Variants in RTN4 observed in about 807,000 individuals in gnomAD.
RTN4 encodes reticulon-4.
In RTN4, 32 loss-of-function variants were observed where a neutral mutation model predicts 90.4. That is an observed-to-expected ratio of 0.35 (90% CI 0.27 to 0.48). RTN4 has a LOEUF of 0.48. Ranked by LOEUF, RTN4 falls within the 20% of genes least tolerant of loss-of-function variation. RTN4 has a pLI of 0.99. For synonymous variants in RTN4, 629 were observed against 552.5 expected, an observed-to-expected ratio of 1.14 and a Z score of -1.94; for missense variants, 1,706 against 1,430.2, an observed-to-expected ratio of 1.19 and a Z score of -3.11.
intron 2 of RTN4, among the ~76,000 whole-genome samples, chr2:55,065,852 G>A (rs1036987370): frequency 6.6e-6 from 1 of 152,200 alleles, no homozygotes; most frequent in Non-Finnish European, 1.5e-5. Flanking sequence ...GCTTGATAGG[G>A]CCTTGTGGGA....
At chr2:55,109,744 T>C (rs1292155621) in intron 1 of RTN4, among the ~76,000 whole-genome samples, 1 of 152,196 alleles carries the variant, frequency 6.6e-6, no homozygotes, top group Non-Finnish European at 1.5e-5. Flanking sequence ...ACTCAGAGCA[T>C]ATGTTGACCC....
intron 1 of RTN4, among the ~76,000 whole-genome samples, chr2:55,096,642 G>C (rs572798509): frequency 6.6e-6 from 1 of 152,284 alleles, no homozygotes; most frequent in Admixed American, 6.5e-5. Context: ...GTCTTAGTTG[G>C]AAGTTAAGGT....
rs182249122 is a variant in RTN4, at chr2:54,973,097, G to A, written c.*59C>T. On this transcript the variant is annotated 3_prime_UTR_variant, in exon 9 of 9. Coordinates refer to ENST00000337526, the MANE Select transcript of RTN4 (RefSeq NM_020532.5). ...GTTCGTTCTTCCCTGACCCTCCCCC[G>A]TATAATCAAATGAATATCCCCTTTA... 8.7e-5 allele frequency: 124 copies of A among 1,423,660 alleles called. No individual in the cohort carries two copies. The highest frequency in any genetic ancestry group is 3.5e-4 in the Middle Eastern group (2 of 5,706). 88.2% of individuals were successfully genotyped at this position (1,423,660 alleles called of 1,614,324 possible). A position where few individuals can be genotyped will look rare whatever the true frequency, so the allele number is the denominator to read the frequency against.
intron 5 of RTN4, among the ~76,000 whole-genome samples, chr2:54,979,702 C>G (rs1018654243): frequency 6.6e-6 from 1 of 152,122 alleles, no homozygotes; most frequent in Non-Finnish European, 1.5e-5. Flanking sequence ...CCTGAATTAC[C>G]AAGGGCTTTA....
chr2:55,033,040 C>A (rs1682434382), intron 1 of RTN4, among the ~76,000 whole-genome samples: 2 of 138,854 alleles, frequency 1.4e-5, no homozygotes, highest in African/African-American at 2.7e-5. Context: ...TTAAAAAAGA[C>A]TGAAGAAGTT....
intron 3 of RTN4, 99 bp from the exon 4 acceptor site, chr2:54,987,797 C>T: frequency 2.1e-6 from 2 of 954,716 alleles, no homozygotes; most frequent in East Asian, 2.6e-5. Flanking sequence ...AAAGTAAAAT[C>T]AAACCTAAAA....
chr2:55,063,231 G>T (rs910232734), intron 2 of RTN4, among the ~76,000 whole-genome samples: 6 of 152,326 alleles, frequency 3.9e-5, no homozygotes, highest in African/African-American at 1.4e-4. Context: ...TAAAAAAATA[G>T]AAGATGGGAA....
At chr2:55,032,040 G>A (rs1277519450) in intron 1 of RTN4, among the ~76,000 whole-genome samples, 2 of 150,060 alleles carry the variant, frequency 1.3e-5, no homozygotes, top group Non-Finnish European at 3.0e-5. Flanking sequence ...AAATAAGAAA[G>A]AATAGCAAAT....
intron 3 of RTN4, among the ~76,000 whole-genome samples, chr2:55,007,890 G>A (rs1192340944): frequency 6.6e-6 from 1 of 151,900 alleles, no homozygotes; most frequent in East Asian, 1.9e-4. Context: ...TAGCTTTTTA[G>A]TGGTTATATC....
chr2:55,092,953 A>T (rs1668967122), intron 1 of RTN4, among the ~76,000 whole-genome samples: 1 of 152,220 alleles, frequency 6.6e-6, no homozygotes, highest in Admixed American at 6.5e-5. Context: ...GTTTGATTTT[A>T]AAAATTCACT....
At chr2:55,015,168 C>T (rs894986784) in intron 3 of RTN4, among the ~76,000 whole-genome samples, 1 of 152,128 alleles carries the variant, frequency 6.6e-6, no homozygotes, top group African/African-American at 2.4e-5. Flanking sequence ...CCGTAGTCTA[C>T]AGTTGATTGC....
chr2:55,126,203 C>G, the RTN4 span, among the ~76,000 whole-genome samples: 2 of 152,006 alleles, frequency 1.3e-5, no homozygotes, highest in Non-Finnish European at 2.9e-5. Context: ...AACCCCATCT[C>G]TACTGAAAAT....
intron 3 of RTN4, among the ~76,000 whole-genome samples, chr2:55,000,197 T>A (rs934592343): frequency 2.6e-5 from 4 of 152,192 alleles, no homozygotes; most frequent in African/African-American, 9.7e-5. Flanking sequence ...TTCAACTTTC[T>A]CTGAAAGTAT....
At chr2:55,109,375 C>T (rs1160139224) in intron 1 of RTN4, among the ~76,000 whole-genome samples, 2 of 152,132 alleles carry the variant, frequency 1.3e-5, no homozygotes, top group East Asian at 3.8e-4. Flanking sequence ...AATGCAGCTG[C>T]TTCTCTGCTG....
At chr2:55,064,083 G>C (rs1299523273) in intron 2 of RTN4, among the ~76,000 whole-genome samples, 1 of 151,814 alleles carries the variant, frequency 6.6e-6, no homozygotes, top group Admixed American at 6.6e-5. Flanking sequence ...TTAGCCAGGT[G>C]TAGTGGTGTG....
upstream of RTN4, chr2:55,050,497 T>A: frequency 2.5e-6 from 1 of 403,952 alleles, no homozygotes; most frequent in South Asian, 7.9e-5. This position sits in a 1 kb window ranked among gnomAD's most constrained non-coding sequence, Gnocchi z 4.6. Flanking sequence ...CCACCCGCCC[T>A]GTCCCCACTT....
In RTN4 at chr2:55,019,420, G is replaced by T. The variant is rs1387576344; in HGVS notation, c.3013+5666C>A. 2.6e-5 allele frequency among the ~76,000 whole-genome samples: 4 copies of T among 152,160 alleles called. No individual in the cohort carries two copies. In the East Asian group the frequency reaches 7.7e-4, roughly 29 times the overall value. ...CTCAGACTGCTTATCATCTGCAAGGGAGAAACAAAGACAATATAAGGAAAT... is the reference window on the plus strand; with the variant it reads ...CTCAGACTGCTTATCATCTGCAAGGTAGAAACAAAGACAATATAAGGAAAT... On this transcript the variant is annotated intron_variant, in intron 3 of 8. Coordinates refer to ENST00000337526, the MANE Select transcript of RTN4 (RefSeq NM_020532.5).
intron 2 of RTN4, among the ~76,000 whole-genome samples, chr2:55,074,152 AT>A: frequency 6.6e-6 from 1 of 152,328 alleles, no homozygotes; most frequent in Non-Finnish European, 1.5e-5. Context: ...GTTTTACAGG[AT>A]TCTATGGAAG....
At chr2:55,121,447 A>T in the RTN4 span, among the ~76,000 whole-genome samples, 1 of 152,244 alleles carries the variant, frequency 6.6e-6, no homozygotes, top group Admixed American at 6.5e-5. Context: ...GACCATTACC[A>T]CTATTTCTCC....
Sources: gnomAD v4.1 joint callset for allele counts (sites outside exome capture counted in the v4.1 genomes callset) on GRCh38, gnomAD v4.1.1 for gene constraint, Gnocchi (gnomAD v3.1) non-coding constraint, MANE v1.5 for transcripts, NCBI Gene and HGNC (gene_info 2026-07-23, HGNC 2026-07-21) for gene names.